The following FAM114A1 variants were observed in gnomAD, a reference collection of about 807,000 sequenced individuals.
The protein encoded by FAM114A1 is family with sequence similarity 114 member A1, also known as protein NOXP20.
Under a neutral mutation model 64.3 loss-of-function variants are expected in FAM114A1, and 62 were observed. The ratio of observed to expected loss-of-function variants is 0.96; its 90% CI spans 0.79 to 1.19. The LOEUF (loss-of-function observed/expected upper bound fraction) is 1.19, where lower values mean the gene tolerates loss of function less well. Ranked by LOEUF, FAM114A1 falls within the 50% of genes most tolerant of loss-of-function variation. The pLI is 0.00. For synonymous variants in FAM114A1, 254 were observed against 251.1 expected (o/e 1.01, Z -0.11); for missense variants, 645 against 676.3 (o/e 0.95, Z 0.51).
At chr4:38,925,938 AG>A (rs1212016236) in intron 9 of FAM114A1, among the ~76,000 whole-genome samples, 1 of 152,170 alleles carries the variant, frequency 6.6e-6, no homozygotes, top group African/African-American at 2.4e-5. Context: ...CACCTTTAAA[AG>A]CTGGAGCTCT....
At chr4:38,881,154 A>T (rs950382565) in intron 3 of FAM114A1, among the ~76,000 whole-genome samples, 2 of 151,518 alleles carry the variant, frequency 1.3e-5, no homozygotes, top group Non-Finnish European at 2.9e-5. Context: ...CAGTGAGCTG[A>T]GATTGAGCCA....
At chr4:38,905,474 A>G in intron 4 of FAM114A1, 48 bp from the exon 5 acceptor site, 1 of 1,324,470 alleles carries the variant, frequency 7.6e-7, no homozygotes, top group Non-Finnish European at 1.1e-6. Flanking sequence ...GGATTTGCAG[A>G]CCGTGGATTT....
chr4:38,931,512 C>G lies in FAM114A1; in HGVS notation c.1223C>G (p.Ala408Gly). 1.9e-6 allele frequency: 3 copies of G among 1,613,684 alleles called. No homozygotes were observed. The highest frequency in any genetic ancestry group is 2.5e-6 in the Non-Finnish European group (3 of 1,179,908). Reference protein sequence around the residue: ...EDQTVVSVDVAKVSEEETKKE... With the variant: ...EDQTVVSVDVGKVSEEETKKE... ...CAAACCGTGGTGTCAGTAGATGTGG[C>G]AAAAGTGTCCGAAGAAGAAACAAAG... Residue 408 changes from alanine to glycine, a missense_variant, in exon 11 of 15, where the codon GCA (alanine) becomes GGA (glycine). By Grantham distance (60) the Ala-to-Gly change is moderately conservative. Coordinates refer to ENST00000358869, the MANE Select transcript of FAM114A1 (RefSeq NM_138389.4).
chr4:38,932,190 C>T (rs1720698785), intron 11 of FAM114A1, 45 bp from the exon 12 acceptor site: 1 of 1,555,502 alleles, frequency 6.4e-7, no homozygotes. Context: ...TTTAAAAAAG[C>T]ATCTGCTCAG....
intron 13 of FAM114A1, 74 bp from the exon 14 acceptor site, chr4:38,940,894 T>C: frequency 6.9e-7 from 1 of 1,446,770 alleles, no homozygotes; most frequent in Non-Finnish European, 9.7e-7. Flanking sequence ...ACAAAGCTAG[T>C]GTATTACATT....
At position 38,935,809 on chromosome 4, in the gene FAM114A1, AT is replaced by A. The variant is rs768355842; in HGVS notation, c.1536+26del. 1,454 of 1,564,796 alleles carry A rather than the reference AT, an allele frequency of 9.3e-4. 2 individuals are homozygous for A. The highest frequency in any genetic ancestry group is 1.2e-3 in the Non-Finnish European group (1,337 of 1,144,336). ...TGTTGGGGTAAGATTACAGTCTTGA[AT>A]TTTTTTCACCTTTTTTAAGGGAAGT... On this transcript the variant is annotated intron_variant, in intron 13 of 14. Transcript: ENST00000358869.
chr4:38,883,059 C>T (rs1392757890), intron 3 of FAM114A1, among the ~76,000 whole-genome samples: 1 of 152,208 alleles, frequency 6.6e-6, no homozygotes, highest in Admixed American at 6.5e-5. Context: ...CTGTAGGAAC[C>T]CACTCTACAA....
At chr4:38,902,163 C>G (rs1389659527) in intron 4 of FAM114A1, among the ~76,000 whole-genome samples, 1 of 152,134 alleles carries the variant, frequency 6.6e-6, no homozygotes, top group Non-Finnish European at 1.5e-5. Flanking sequence ...GCTTTAGGAC[C>G]TTGGGAAAGT....
intron 7 of FAM114A1, among the ~76,000 whole-genome samples, chr4:38,910,982 C>T (rs192235582): frequency 1.3e-5 from 2 of 152,292 alleles, no homozygotes; most frequent in Admixed American, 1.3e-4. Flanking sequence ...CTGATTTGTG[C>T]TTTAACAGGA....
intron 13 of FAM114A1, among the ~76,000 whole-genome samples, chr4:38,938,142 G>A (rs1579418565): frequency 6.6e-6 from 1 of 152,160 alleles, no homozygotes; most frequent in South Asian, 2.1e-4. Context: ...AAAAAGGTTT[G>A]AATAGCTCAT....
At chr4:38,868,132 GC>G in intron 1 of FAM114A1, 1 of 241,796 alleles carries the variant, frequency 4.1e-6, no homozygotes, top group South Asian at 4.7e-5. Flanking sequence ...CTCAGGGTCT[GC>G]CCCCTCGGCC....
At chr4:38,930,749 G>A (rs955016729) in intron 10 of FAM114A1, among the ~76,000 whole-genome samples, 2 of 152,212 alleles carry the variant, frequency 1.3e-5, no homozygotes, top group African/African-American at 4.8e-5. Flanking sequence ...ATTGGAGTGA[G>A]TCTGCCCCTT....
At chr4:38,932,417 A>G in intron 12 of FAM114A1, 43 bp downstream of exon 12, 1 of 1,542,984 alleles carries the variant, frequency 6.5e-7, no homozygotes, top group South Asian at 1.3e-5. Context: ...CCAGTTTTAT[A>G]TATAGGTACC....
intron 3 of FAM114A1, among the ~76,000 whole-genome samples, chr4:38,880,740 G>C (rs530683048): frequency 7.2e-5 from 11 of 152,056 alleles, no homozygotes; most frequent in African/African-American, 4.8e-5. Flanking sequence ...AAATATCTTG[G>C]TACAGTAAGA....
chr4:38,940,356 T>C (rs1721492624), intron 13 of FAM114A1, among the ~76,000 whole-genome samples: 1 of 145,290 alleles, frequency 6.9e-6, no homozygotes, highest in African/African-American at 2.6e-5. Context: ...CAAGTTTCTA[T>C]GTTTGCATTT....
Position 38,943,718 on chromosome 4 carries a change from G to T in FAM114A1, c.*161G>T, listed in dbSNP as rs1721758154. 2 of 522,866 alleles carry T rather than the reference G, an allele frequency of 3.8e-6. No individual in the cohort carries two copies. Among genetic ancestry groups the T allele is most frequent in the African/African-American group, 1.9e-5 (1 of 52,948 alleles). The allele number at this position is 522,866 out of a possible 1,614,324, so 32.4% of individuals were successfully genotyped here. A position where few individuals can be genotyped will look rare whatever the true frequency, so the allele number is the denominator to read the frequency against. On this transcript the variant is annotated 3_prime_UTR_variant, in exon 15 of 15. Coordinates refer to ENST00000358869, the MANE Select transcript of FAM114A1 (RefSeq NM_138389.4). The stretch of plus-strand genomic sequence containing the variant: ...TATTGAGAATGCAAATTTAGAGAGA[G>T]TTATCATTTCTCTCAATGTGTATAA...
chr4:38,878,560 A>G (rs1369364129), intron 3 of FAM114A1, 134 bp downstream of exon 3: 2 of 666,626 alleles, frequency 3.0e-6, no homozygotes, highest in Non-Finnish European at 5.0e-6. Flanking sequence ...GTCATCAGAA[A>G]TGTGTAGTGA....
chr4:38,887,232 A>G (rs1338506172), intron 3 of FAM114A1, among the ~76,000 whole-genome samples: 2 of 152,236 alleles, frequency 1.3e-5, no homozygotes, highest in South Asian at 2.1e-4. Context: ...TGTTCCATCT[A>G]TGAAGATGAC....
rs1718892884 is a variant in FAM114A1, at chr4:38,914,960, G to T, written c.832G>T (p.Ala278Ser). The T allele has an allele frequency of 3.7e-6, 6 of 1,614,082 alleles. No individual in the cohort carries two copies. The highest frequency in any genetic ancestry group is 5.1e-6 in the Non-Finnish European group (6 of 1,179,988). The change falls in exon 8 of 15, where the codon GCA becomes TCA. Residue 278 changes from alanine (A) to serine (S), a missense_variant. Transcript: ENST00000358869. Reference sequence around the variant, plus strand: ...TAAGGAGAAGGAGAAGCAGAGACTGGCACAGCAGCTCACGATGGAGAGAAC... The same window carrying T: ...TAAGGAGAAGGAGAAGCAGAGACTGTCACAGCAGCTCACGATGGAGAGAAC... ...EAKEKEKQRL[A>S]QQLTMERTAH...
Sources: allele counts gnomAD v4.1 joint callset (sites outside exome capture counted in the v4.1 genomes callset), GRCh38; gene constraint gnomAD v4.1.1; transcripts MANE v1.5; gene names NCBI Gene and HGNC (gene_info 2026-07-23, HGNC 2026-07-21).